Variants in TLK1 observed in about 807,000 individuals in gnomAD.
TLK1 encodes tousled like kinase 1.
A neutral mutation model predicts 105.3 loss-of-function variants in TLK1; 24 were observed. That is an observed-to-expected ratio of 0.23 (90% CI 0.17 to 0.32). The LOEUF is 0.32. Among genes scored for constraint, TLK1 ranks in the 10% least tolerant of loss-of-function variants. The pLI is 1.00. For missense variants in TLK1, 558 were observed against 910.5 expected, an observed-to-expected ratio of 0.61 and a Z score of 4.98; for synonymous variants, 321 against 310.4, an observed-to-expected ratio of 1.03 and a Z score of -0.36.
chr2:171,135,783 C>T (rs1433793509), intron 1 of TLK1, among the ~76,000 whole-genome samples: 1 of 151,066 alleles, frequency 6.6e-6, no homozygotes, highest in Non-Finnish European at 1.5e-5. Flanking sequence ...ACGTGGGCGA[C>T]AAGAAAAAAA....
intron 13 of TLK1, among the ~76,000 whole-genome samples, chr2:171,013,472 A>C (rs946529464): frequency 2.6e-5 from 4 of 151,384 alleles, no homozygotes; most frequent in African/African-American, 9.7e-5. Context: ...TTCCCTGCTA[A>C]GTTTTGTATT....
intron 1 of TLK1, among the ~76,000 whole-genome samples, chr2:171,130,731 A>C (rs1691070368): frequency 6.6e-6 from 1 of 152,156 alleles, no homozygotes; most frequent in South Asian, 2.1e-4. Flanking sequence ...ATTTCCAATA[A>C]AACAGGCTAG....
intron 12 of TLK1, among the ~76,000 whole-genome samples, chr2:171,015,849 C>A (rs928604785): frequency 6.6e-6 from 1 of 151,910 alleles, no homozygotes; most frequent in Non-Finnish European, 1.5e-5. Flanking sequence ...GAGGCTGTGG[C>A]GGGCGGATCA....
chr2:171,052,204 G>A (rs1021681181), intron 8 of TLK1, among the ~76,000 whole-genome samples: 2 of 152,094 alleles, frequency 1.3e-5, no homozygotes, highest in South Asian at 4.2e-4. Flanking sequence ...AGGCTACAGT[G>A]AGCTATGATC....
chr2:171,169,093 T>A (rs949151421), intron 1 of TLK1, among the ~76,000 whole-genome samples: 10 of 151,580 alleles, frequency 6.6e-5, no homozygotes, highest in African/African-American at 1.9e-4. Context: ...AAAAAAAAAA[T>A]TTGTTTTTTG....
At chr2:171,217,409 G>A (rs74609020) in intron 1 of TLK1, among the ~76,000 whole-genome samples, 28,297 of 152,146 alleles carry the variant, frequency 0.19, 2,762 homozygotes, top group South Asian at 0.29. Context: ...TGACCATTTT[G>A]AGAACTGGTT....
chr2:171,164,228 C>T (rs1163120879), upstream of TLK1, among the ~76,000 whole-genome samples: 1 of 152,122 alleles, frequency 6.6e-6, no homozygotes, highest in Non-Finnish European at 1.5e-5. Context: ...AAGGCTTTTA[C>T]TGGCAATGGG....
At chr2:171,057,360 ATTTAT>A (rs1313316986) in intron 5 of TLK1, among the ~76,000 whole-genome samples, 6 of 151,982 alleles carry the variant, frequency 3.9e-5, no homozygotes, top group African/African-American at 7.2e-5. Context: ...ATTTTGCCTT[ATTTAT>A]TTTATCAATA....
intron 1 of TLK1, among the ~76,000 whole-genome samples, chr2:171,150,909 T>C (rs574463745): frequency 6.6e-6 from 1 of 152,322 alleles, no homozygotes; most frequent in South Asian, 2.1e-4. Context: ...TAACCAATTA[T>C]AGTGCATCCA....
intron 1 of TLK1, among the ~76,000 whole-genome samples, chr2:171,129,282 C>G (rs1319478476): frequency 6.6e-6 from 1 of 152,152 alleles, no homozygotes; most frequent in African/African-American, 2.4e-5. Context: ...GTCTCCAAAT[C>G]CCACTCCTGA....
At chr2:171,138,516 G>A (rs1691434737) in intron 1 of TLK1, among the ~76,000 whole-genome samples, 1 of 152,106 alleles carries the variant, frequency 6.6e-6, no homozygotes, top group African/African-American at 2.4e-5. Flanking sequence ...TCAAGCTAGA[G>A]AAGAAAATTA....
chr2:171,047,010 T>C (rs776336803), intron 10 of TLK1, among the ~76,000 whole-genome samples: 2 of 152,048 alleles, frequency 1.3e-5, no homozygotes, highest in Non-Finnish European at 2.9e-5. Flanking sequence ...TATAAGAAAT[T>C]TATGAGAAAA....
chr2:171,080,991 C>G (rs915007449), intron 3 of TLK1, among the ~76,000 whole-genome samples: 3 of 152,134 alleles, frequency 2.0e-5, no homozygotes, highest in African/African-American at 7.2e-5. Flanking sequence ...CAAGCGTGAG[C>G]CCCCGTACAT....
intron 3 of TLK1, among the ~76,000 whole-genome samples, chr2:171,080,544 A>AAATAATGATAATAAT (rs1553474031): frequency 2.1e-5 from 3 of 145,030 alleles, no homozygotes; most frequent in African/African-American, 7.6e-5. Flanking sequence ...AGATACACTA[A>AAATAATGATAATAAT]AATAATAATA....
intron 1 of TLK1, among the ~76,000 whole-genome samples, chr2:171,210,020 C>T (rs1693583010): frequency 6.6e-6 from 1 of 152,150 alleles, no homozygotes; most frequent in South Asian, 2.1e-4. Context: ...TTTGTACCTC[C>T]TATTAGCTAA....
At chr2:171,049,488 AAC>A (rs1204119012) in intron 10 of TLK1, among the ~76,000 whole-genome samples, 3 of 152,156 alleles carry the variant, frequency 2.0e-5, no homozygotes, top group African/African-American at 4.8e-5. Context: ...CTAGGAAATA[AAC>A]ACACACACAA....
At position 170,993,426 on chromosome 2, in the gene TLK1, G is replaced by A. The variant is rs1683877688; in HGVS notation, c.*354C>T. 1 of 170,806 alleles carries A rather than the reference G, an allele frequency of 5.9e-6. No individual in the cohort carries two copies. Among genetic ancestry groups the A allele is most frequent in the South Asian group, 2.0e-4 (1 of 5,004 alleles). 10.6% of individuals were successfully genotyped at this position (170,806 alleles called of 1,614,324 possible). ...CTACCCTTCATATTAGAACTCTCTA[G>A]TAACAACCAAATGTATTTAAGTATT... is the stretch of plus-strand genomic sequence containing the variant. On this transcript the variant is annotated 3_prime_UTR_variant, in exon 21 of 21. Coordinates refer to ENST00000431350, the MANE Select transcript of TLK1 (RefSeq NM_012290.5).
intron 1 of TLK1, among the ~76,000 whole-genome samples, chr2:171,152,734 G>A (rs774954338): frequency 6.6e-6 from 1 of 152,100 alleles, no homozygotes; most frequent in Non-Finnish European, 1.5e-5. Flanking sequence ...AGACTGCTCC[G>A]ATACTGACAG....
chr2:171,033,612 A>T (rs985347345), intron 11 of TLK1, among the ~76,000 whole-genome samples: 1 of 149,364 alleles, frequency 6.7e-6, no homozygotes, highest in Non-Finnish European at 1.5e-5. Flanking sequence ...GAGGTCATGG[A>T]TACCCCATTT....
Sources: gnomAD v4.1 joint callset for allele counts (sites outside exome capture counted in the v4.1 genomes callset) on GRCh38, gnomAD v4.1.1 for gene constraint, MANE v1.5 for transcripts, NCBI Gene and HGNC (gene_info 2026-07-23, HGNC 2026-07-21) for gene names.